Variants in LYPD6B observed in about 807,000 individuals in gnomAD.
LYPD6B encodes the protein LY6/PLAUR domain containing 6B.
In LYPD6B, 17 loss-of-function variants were observed where a neutral mutation model predicts 22.8. The observed-to-expected ratio is 0.75, with a 90% CI of 0.51 to 1.12. The LOEUF (loss-of-function observed/expected upper bound fraction) is 1.12, where lower values mean the gene tolerates loss of function less well. Ranked by LOEUF, LYPD6B falls within the 50% of genes most tolerant of loss-of-function variation. The probability of loss-of-function intolerance (pLI) is 0.00; values close to 1 mark genes in which losing one functional copy is unlikely to be tolerated. For synonymous variants in LYPD6B, 106 were observed against 91.6 expected (o/e 1.16, Z -0.90); for missense variants, 221 against 258.3 (o/e 0.86, Z 0.99).
At chr2:149,099,072 T>C (rs1354575554) in intron 1 of LYPD6B, among the ~76,000 whole-genome samples, 1 of 152,082 alleles carries the variant, frequency 6.6e-6, no homozygotes, top group Non-Finnish European at 1.5e-5. Flanking sequence ...ATCTGCAAAA[T>C]AAACAAGCTT....
chr2:149,120,383 ATTT>A (rs869074241), intron 1 of LYPD6B, among the ~76,000 whole-genome samples: 6 of 48,614 alleles, frequency 1.2e-4, no homozygotes, highest in Non-Finnish European at 1.6e-4. Flanking sequence ...ATATATATAT[ATTT>A]TTTTTTTTTT....
At chr2:149,190,276 G>A (rs780435452) in intron 3 of LYPD6B, among the ~76,000 whole-genome samples, 40 of 152,122 alleles carry the variant, frequency 2.6e-4, no homozygotes, top group Non-Finnish European at 4.9e-4. Flanking sequence ...GTGTGTGCAC[G>A]CACGTGCGTG....
At chr2:149,182,773 C>A (rs1219152626) in intron 3 of LYPD6B, among the ~76,000 whole-genome samples, 5 of 152,170 alleles carry the variant, frequency 3.3e-5, no homozygotes, top group African/African-American at 1.2e-4. Context: ...TCAGAAATAG[C>A]AAAATTGCCC....
chr2:149,083,973 G>A (rs139700898), intron 1 of LYPD6B, among the ~76,000 whole-genome samples: 18 of 151,042 alleles, frequency 1.2e-4, no homozygotes, highest in Middle Eastern at 3.4e-3. Flanking sequence ...AAAACCGGGC[G>A]TAGTGGCATG....
At chr2:149,170,766 C>G (rs1690762332) in intron 3 of LYPD6B, among the ~76,000 whole-genome samples, 1 of 152,044 alleles carries the variant, frequency 6.6e-6, no homozygotes, top group African/African-American at 2.4e-5. Context: ...CTTTTTTCTA[C>G]AAATTCCCAA....
intron 2 of LYPD6B, among the ~76,000 whole-genome samples, chr2:149,135,462 G>A (rs1185547059): frequency 6.6e-6 from 1 of 151,866 alleles, no homozygotes; most frequent in Non-Finnish European, 1.5e-5. Flanking sequence ...ACTCACGCTT[G>A]TAACCCCAGC....
At chr2:149,057,715 C>G (rs2105309162) in intron 1 of LYPD6B, among the ~76,000 whole-genome samples, 1 of 152,216 alleles carries the variant, frequency 6.6e-6, no homozygotes, top group Middle Eastern at 3.4e-3. Flanking sequence ...GCATTGCAGG[C>G]AGTCCTTTAA....
chr2:149,187,916 A>G (rs539142411), intron 3 of LYPD6B, among the ~76,000 whole-genome samples: 3 of 152,342 alleles, frequency 2.0e-5, no homozygotes, highest in African/African-American at 7.2e-5. Context: ...TGTGGCTTTT[A>G]GGTAAGGAAA....
At chr2:149,209,291 C>T (rs1006374809) in intron 5 of LYPD6B, among the ~76,000 whole-genome samples, 3 of 151,970 alleles carry the variant, frequency 2.0e-5, no homozygotes, top group East Asian at 1.9e-4. Context: ...TAGGAGGGAA[C>T]GCCAAATGAG....
chr2:149,105,536 C>T (rs1398943766), intron 1 of LYPD6B, among the ~76,000 whole-genome samples: 1 of 152,112 alleles, frequency 6.6e-6, no homozygotes, highest in Non-Finnish European at 1.5e-5. Context: ...GTCAGATTTA[C>T]CCCTCAATGT....
intron 1 of LYPD6B, among the ~76,000 whole-genome samples, chr2:149,072,526 T>C (rs913711408): frequency 1.4e-5 from 2 of 139,320 alleles, no homozygotes; most frequent in African/African-American, 5.6e-5. Context: ...TATTTTATTT[T>C]ATTTTATTTC....
intron 1 of LYPD6B, among the ~76,000 whole-genome samples, chr2:149,062,706 A>G (rs1369227929): frequency 2.0e-5 from 3 of 152,204 alleles, no homozygotes; most frequent in Non-Finnish European, 4.4e-5. Context: ...TGTTGAGTAA[A>G]AAATAGGGCC....
At chr2:149,175,061 C>CTCTCTCTCTCTCTCTGTG (rs1454802925) in intron 3 of LYPD6B, among the ~76,000 whole-genome samples, 14 of 113,078 alleles carry the variant, frequency 1.2e-4, no homozygotes, top group East Asian at 8.7e-4. Flanking sequence ...CTCTCTCTCT[C>CTCTCTCTCTCTCTCTGTG]TGTGTGTGTG....
intron 2 of LYPD6B, among the ~76,000 whole-genome samples, chr2:149,132,199 T>C (rs139759196): frequency 2.7e-4 from 41 of 151,248 alleles, no homozygotes; most frequent in Non-Finnish European, 4.4e-4. Context: ...GTTTATTTTT[T>C]TGAGGTTTTG....
At chr2:149,084,726 G>A (rs1009975125) in intron 1 of LYPD6B, among the ~76,000 whole-genome samples, 11 of 152,196 alleles carry the variant, frequency 7.2e-5, no homozygotes, top group Non-Finnish European at 1.3e-4. Context: ...TACGAGGAAT[G>A]TTCAGATTAA....
chr2:149,212,380 C>CAAAAAAAAAAAAAAAAAAAAAAAAAAA (rs386391473), intron 5 of LYPD6B, among the ~76,000 whole-genome samples: 2 of 60,104 alleles, frequency 3.3e-5, no homozygotes, highest in African/African-American at 1.5e-4. Context: ...GACTCCGTCT[C>CAAAAAAAAAAAAAAAAAAAAAAAAAAA]AAAAAAAAAA....
chr2:149,078,156 T>G (rs1684960068), intron 1 of LYPD6B, among the ~76,000 whole-genome samples: 1 of 152,178 alleles, frequency 6.6e-6, no homozygotes. Flanking sequence ...GGAGGGTTCC[T>G]GAATGACTGA....
At chr2:149,049,750 T>G (rs1683466322) in intron 1 of LYPD6B, among the ~76,000 whole-genome samples, 1 of 152,146 alleles carries the variant, frequency 6.6e-6, no homozygotes, top group South Asian at 2.1e-4. Flanking sequence ...GTAAGTGCTC[T>G]TAGAGGTCAC....
intron 2 of LYPD6B, among the ~76,000 whole-genome samples, chr2:149,158,671 A>T (rs150429887): frequency 2.6e-5 from 4 of 152,368 alleles, no homozygotes; most frequent in African/African-American, 9.6e-5. Context: ...TTAAAATGAT[A>T]AACTTTTCAT....
Sources: allele counts gnomAD v4.1 joint callset (sites outside exome capture counted in the v4.1 genomes callset), GRCh38; gene constraint gnomAD v4.1.1; transcripts MANE v1.5; gene names NCBI Gene and HGNC (gene_info 2026-07-23, HGNC 2026-07-21).